The following COL4A3 variants were observed in gnomAD, a reference collection of about 807,000 sequenced individuals.
The protein encoded by COL4A3 is collagen alpha-3(IV) chain.
A neutral mutation model predicts 217.4 loss-of-function variants in COL4A3; 135 were observed. The ratio of observed to expected loss-of-function variants is 0.62; its 90% CI spans 0.54 to 0.72. The LOEUF (loss-of-function observed/expected upper bound fraction) is 0.72. Ranked by LOEUF, COL4A3 falls within the 30% of genes least tolerant of loss-of-function variation. The probability of loss-of-function intolerance (pLI) is 0.00; values close to 1 mark genes in which losing one functional copy is unlikely to be tolerated. For synonymous variants in COL4A3, 690 were observed against 736.3 expected, an observed-to-expected ratio of 0.94 and a Z score of 1.02; for missense variants, 1,868 against 2,119.9, an observed-to-expected ratio of 0.88 and a Z score of 2.33.
chr2:227,190,649 T>C (rs142748202), intron 1 of COL4A3, among the ~76,000 whole-genome samples: 3 of 152,378 alleles, frequency 2.0e-5, no homozygotes, highest in African/African-American at 7.2e-5. Context: ...ATCGTGGCTC[T>C]AATCCCAGCA....
At chr2:227,215,363 G>A (rs2067486663) in intron 1 of COL4A3, among the ~76,000 whole-genome samples, 1 of 152,078 alleles carries the variant, frequency 6.6e-6, no homozygotes, top group Non-Finnish European at 1.5e-5. Context: ...ATATAAATCT[G>A]TCTGATGTTT....
chr2:227,295,871 G>A (rs2073006495), intron 41 of COL4A3, among the ~76,000 whole-genome samples: 1 of 152,124 alleles, frequency 6.6e-6, no homozygotes, highest in South Asian at 2.1e-4. Flanking sequence ...CCACAGATCT[G>A]GATTTCTCAT....
At chr2:227,233,726 C>A (rs765521584) in intron 1 of COL4A3, among the ~76,000 whole-genome samples, 2 of 152,096 alleles carry the variant, frequency 1.3e-5, no homozygotes, top group Non-Finnish European at 2.9e-5. Flanking sequence ...AAAGGAGGCA[C>A]CTCATGGCGG....
chr2:227,309,059 T>G lies in COL4A3; in HGVS notation c.4623T>G (p.Leu1541=). 6.2e-7 allele frequency: 1 copy of G among 1,614,194 alleles called. No homozygotes were observed. The highest frequency in any genetic ancestry group is 2.2e-5 in the East Asian group (1 of 44,888). Residue 1541 remains leucine (L), a synonymous_variant, in exon 49 of 52, where the codon CTT becomes CTG. Transcript: ENST00000396578. ...MNMAPITGRA[L]EPYISRCTVC... is the part of the protein sequence containing the mutation. ...TGGCTCCCATTACTGGCAGAGCCCT[T>G]GAGCCTTATATAAGCAGGTAAAAAT...
intron 1 of COL4A3, among the ~76,000 whole-genome samples, chr2:227,234,587 T>C (rs2068587801): frequency 6.6e-6 from 1 of 152,156 alleles, no homozygotes; most frequent in African/African-American, 2.4e-5. Flanking sequence ...GTTTACGACA[T>C]CTTATATGCC....
At chr2:227,256,235 C>A in intron 16 of COL4A3, 108 bp from the exon 17 acceptor site, 4 of 1,152,804 alleles carry the variant, frequency 3.5e-6, no homozygotes, top group Non-Finnish European at 1.3e-6. Flanking sequence ...GAAGAGAGAT[C>A]ATCTGAGCAC....
rs1199720166 is a variant in COL4A3 at position 227,313,585 on chromosome 2, T to C, written c.*1715T>C. 6.6e-6 allele frequency: 1 copy of C among 152,654 alleles called. No homozygotes were observed. Among genetic ancestry groups the C allele is most frequent in the African/African-American group, 2.4e-5 (1 of 41,452 alleles). The allele number at this position is 152,654 out of a possible 1,614,324, so 9.5% of individuals were successfully genotyped here. A position where few individuals can be genotyped will look rare whatever the true frequency, so the allele number is the denominator to read the frequency against. On this transcript the variant is annotated 3_prime_UTR_variant, in exon 52 of 52. Transcript: ENST00000396578. ...TTCAGGCTACTGCTTCAATCTCAAT[T>C]GCTTTGTAAGTGAAAAACATGACCC...
At chr2:227,235,312 T>G (rs2068630281) in intron 1 of COL4A3, among the ~76,000 whole-genome samples, 1 of 152,192 alleles carries the variant, frequency 6.6e-6, no homozygotes, top group South Asian at 2.1e-4. Flanking sequence ...AAGACAAGAT[T>G]AAAATCATTT....
In COL4A3 at chr2:227,203,244, C is replaced by CAT. The variant is rs1369744632; in HGVS notation, c.88-34719_88-34718dup. ...ATATGTGTATATATGTGTATATATA[C>CAT]ATATATGTATATATACATATATGTG... On this transcript the variant is annotated intron_variant, in intron 1 of 51. Transcript: ENST00000396578. 1.2e-4 allele frequency among the ~76,000 whole-genome samples: 2 copies of CAT among 16,688 alleles called. 1 individual carries two copies. Among genetic ancestry groups the CAT allele is most frequent in the Non-Finnish European group, 1.8e-4 (2 of 11,160 alleles). The allele number at this position is 16,688 out of a possible 152,430, so 10.9% of individuals were successfully genotyped here. A position where few individuals can be genotyped will look rare whatever the true frequency, so the allele number is the denominator to read the frequency against.
intron 23 of COL4A3, chr2:227,268,443 C>T (rs1293348862): frequency 6.6e-6 from 1 of 152,274 alleles, no homozygotes; most frequent in Non-Finnish European, 1.5e-5. Context: ...TACCTGACAA[C>T]CTGGATAGGG....
intron 33 of COL4A3, 26 bp from the exon 34 acceptor site, chr2:227,284,185 C>G (rs768158148): frequency 6.2e-7 from 1 of 1,613,850 alleles, no homozygotes; most frequent in Admixed American, 1.7e-5. Flanking sequence ...AATTAAGGAC[C>G]TGATGTTGTT....
chr2:227,178,734 G>C (rs1433143969), intron 1 of COL4A3, among the ~76,000 whole-genome samples: 1 of 151,336 alleles, frequency 6.6e-6, no homozygotes, highest in Non-Finnish European at 1.5e-5. Flanking sequence ...ATTTTTAGTA[G>C]AGACAGGGTT....
intron 1 of COL4A3, among the ~76,000 whole-genome samples, chr2:227,187,439 T>C (rs971101079): frequency 2.0e-5 from 3 of 152,198 alleles, no homozygotes; most frequent in African/African-American, 7.2e-5. Context: ...GAGCTGTGTA[T>C]GATCCAAATG....
intron 1 of COL4A3, chr2:227,228,525 C>A (rs1429871923): frequency 6.6e-6 from 1 of 152,400 alleles, no homozygotes. Flanking sequence ...GCCAACTCCC[C>A]CTGCTATTAA....
chr2:227,263,849 G>C lies in COL4A3; in HGVS notation c.1220G>C (p.Gly407Ala). The change falls in exon 21 of 52, where the codon GGC (glycine) becomes GCC (alanine). Residue 407 changes from glycine (G) to alanine (A), a missense_variant. Transcript: ENST00000396578. ...CTGAAAGGAAGTAAAGGGGAACGAGGCCGCCCAGGAAAGGATGCCATGGGG... is the reference window on the plus strand; with the variant it reads ...CTGAAAGGAAGTAAAGGGGAACGAGCCCGCCCAGGAAAGGATGCCATGGGG... Reference protein sequence around the residue: ...PGLKGSKGERGRPGKDAMGTP... With the variant: ...PGLKGSKGERARPGKDAMGTP... 1.2e-6 allele frequency: 2 copies of C among 1,614,158 alleles called. No individual in the cohort carries two copies. The highest frequency in any genetic ancestry group is 1.7e-6 in the Non-Finnish European group (2 of 1,180,006).
intron 26 of COL4A3, among the ~76,000 whole-genome samples, chr2:227,273,714 A>G (rs577394396): frequency 5.3e-5 from 8 of 152,166 alleles, no homozygotes; most frequent in Non-Finnish European, 7.3e-5. Flanking sequence ...CGCAGCCACA[A>G]ATTTGTTGAT....
intron 23 of COL4A3, 77 bp from the exon 24 acceptor site, chr2:227,269,833 C>A (rs994522246): frequency 8.2e-7 from 1 of 1,224,560 alleles, no homozygotes; most frequent in African/African-American, 1.5e-5. Context: ...ACTCTATTTT[C>A]TTCATACATT....
chr2:227,253,660 T>G lies in COL4A3; in HGVS notation c.765+22T>G, dbSNP rs943544180. The G allele has an allele frequency of 6.3e-7, 1 of 1,594,546 alleles. No homozygotes were observed. Among genetic ancestry groups the G allele is most frequent in the Middle Eastern group, 1.7e-4 (1 of 6,030 alleles). ...AACGGTAACTCTGCGATTTTATGAT[T>G]AGTGTTGTGCCTTCCCGTGTCTAGG... On this transcript the variant is annotated intron_variant, in intron 13 of 51. Coordinates refer to ENST00000396578, the MANE Select transcript of COL4A3 (RefSeq NM_000091.5). This position sits in a 1 kb window ranked among gnomAD's most constrained non-coding sequence, Gnocchi z 4.4.
chr2:227,167,206 G>A (rs1207014390), intron 1 of COL4A3, among the ~76,000 whole-genome samples: 1 of 152,238 alleles, frequency 6.6e-6, no homozygotes, highest in Non-Finnish European at 1.5e-5. Context: ...AGTTAAGGAT[G>A]TGTTTCGCTC....
Sources: allele counts gnomAD v4.1 joint callset (sites outside exome capture counted in the v4.1 genomes callset), GRCh38; gene constraint gnomAD v4.1.1; non-coding constraint Gnocchi (gnomAD v3.1); transcripts MANE v1.5; gene names NCBI Gene and HGNC (gene_info 2026-07-23, HGNC 2026-07-21).